Variants in OARD1 observed in about 807,000 individuals in gnomAD.
OARD1 encodes O-acyl-ADP-ribose deacylase 1.
In OARD1, 19 loss-of-function variants were observed where a neutral mutation model predicts 19.7. The observed-to-expected ratio is 0.96, with a 90% CI of 0.67 to 1.41. The LOEUF is 1.41. Ranked by LOEUF, OARD1 falls within the 40% of genes most tolerant of loss-of-function variation. The pLI is 0.00. For missense variants in OARD1, 190 were observed against 183.8 expected, an observed-to-expected ratio of 1.03 and a Z score of -0.20; for synonymous variants, 70 against 61.8, an observed-to-expected ratio of 1.13 and a Z score of -0.62.
At chr6:41,076,452 G>A (rs1763734994), upstream of OARD1, among the ~76,000 whole-genome samples, 1 of 152,214 alleles carries the variant, frequency 6.6e-6, no homozygotes, top group Admixed American at 6.5e-5. Flanking sequence ...TATCAACTGT[G>A]ATAATCCTAT....
At chr6:41,075,624 A>G (rs929292443), upstream of OARD1, 3 of 151,982 alleles carry the variant, frequency 2.0e-5, no homozygotes, top group Non-Finnish European at 4.4e-5. Context: ...CTTGATTTGT[A>G]GTACTTCACC....
intron 1 of OARD1, among the ~76,000 whole-genome samples, chr6:41,093,789 G>A (rs1764265152): frequency 6.6e-6 from 1 of 152,172 alleles, no homozygotes; most frequent in African/African-American, 2.4e-5. Context: ...TTTCTTTCAA[G>A]GAAACTTTGA....
chr6:41,097,173 T>A (rs547069936), intron 1 of OARD1, among the ~76,000 whole-genome samples: 17 of 152,226 alleles, frequency 1.1e-4, no homozygotes, highest in Non-Finnish European at 2.1e-4. Context: ...GAATAAGGTT[T>A]ATTGTCTCTT....
At chr6:41,072,428 C>A (rs1248666414), upstream of OARD1, 1 of 152,332 alleles carries the variant, frequency 6.6e-6, no homozygotes, top group Non-Finnish European at 1.5e-5. Context: ...CCAGCCCAAA[C>A]GCGGAGCCAA....
At position 41,082,935 on chromosome 6, in the gene OARD1, G is replaced by A. The variant is rs75380093; in HGVS notation, c.-41-11260C>T. Among the ~76,000 whole-genome samples, 369 of 152,296 alleles carry A rather than the reference G, an allele frequency of 2.4e-3. 6 individuals are homozygous for A. The South Asian group carries it at 0.04, about 17-fold the overall frequency. On this transcript the variant is annotated intron_variant, in intron 1 of 4. Transcript: ENST00000480585. ...ATACATTAGTGGTGGTGGCAGTGGC[G>A]GCGGTGGTGGTGGTGATTGTAGGAG... is the stretch of plus-strand genomic sequence containing the variant.
intron 1 of OARD1, among the ~76,000 whole-genome samples, chr6:41,095,070 C>A (rs553955354): frequency 6.6e-6 from 1 of 152,284 alleles, no homozygotes; most frequent in South Asian, 2.1e-4. Context: ...TTCCCTTCTT[C>A]CACTTTTGTT....
intron 4 of OARD1, 182 bp downstream of exon 4, chr6:41,069,894 G>C: frequency 1.5e-6 from 1 of 660,130 alleles, no homozygotes; most frequent in Non-Finnish European, 2.8e-6. Context: ...CTAACCCAGT[G>C]CTCCAAGTAG....
At chr6:41,096,855 C>T (rs1764371483) in intron 1 of OARD1, among the ~76,000 whole-genome samples, 1 of 152,196 alleles carries the variant, frequency 6.6e-6, no homozygotes, top group Admixed American at 6.5e-5. Context: ...GACCCTGACC[C>T]TAGTCCACGC....
At chr6:41,070,048 A>G (rs1321210328) in intron 4 of OARD1, 28 bp downstream of exon 4, 1 of 1,341,342 alleles carries the variant, frequency 7.5e-7, no homozygotes, top group Middle Eastern at 1.8e-4. Flanking sequence ...ACTGGCCCTG[A>G]AAAAAAAAGG....
At chr6:41,093,471 CTTTTT>C (rs769282285) in intron 1 of OARD1, among the ~76,000 whole-genome samples, 5 of 142,578 alleles carry the variant, frequency 3.5e-5, no homozygotes, top group African/African-American at 1.3e-4. Context: ...GGTACCCTTT[CTTTTT>C]TTTTTTTTTC....
chr6:41,084,814 T>C (rs974653483), intron 1 of OARD1, among the ~76,000 whole-genome samples: 4 of 152,124 alleles, frequency 2.6e-5, no homozygotes, highest in Non-Finnish European at 4.4e-5. Context: ...AATAAAAAAT[T>C]AGCCGGGCGT....
chr6:41,073,286 C>T (rs1467083669), upstream of OARD1, among the ~76,000 whole-genome samples: 2 of 151,650 alleles, frequency 1.3e-5, no homozygotes, highest in Non-Finnish European at 2.9e-5. Flanking sequence ...CCTGCAGGGG[C>T]CGCCCCGCGC....
intron 1 of OARD1, 158 bp from the exon 2 acceptor site, chr6:41,071,833 G>T (rs148899131): frequency 2.1e-4 from 116 of 554,214 alleles, no homozygotes; most frequent in East Asian, 1.8e-3. Context: ...CCCTTCTGGG[G>T]CAAAGAGGAA....
intron 1 of OARD1, among the ~76,000 whole-genome samples, chr6:41,081,055 C>T (rs1207754324): frequency 6.6e-6 from 1 of 152,182 alleles, no homozygotes; most frequent in Admixed American, 6.5e-5. Context: ...TGCCAGTTTC[C>T]TAATATTTCA....
intron 1 of OARD1, among the ~76,000 whole-genome samples, chr6:41,081,705 G>A (rs1315725378): frequency 6.7e-6 from 1 of 150,320 alleles, no homozygotes; most frequent in African/African-American, 2.5e-5. Flanking sequence ...ACTGAATCTT[G>A]TTAATCTCTT....
rs962746243 is a variant in OARD1 at position 41,071,476 on chromosome 6, T to C, written c.39+120A>G. On this transcript the variant is annotated intron_variant, in intron 2 of 5. Coordinates refer to ENST00000424266, the MANE Select transcript of OARD1 (RefSeq NM_001329686.2). The stretch of plus-strand genomic sequence containing the variant: ...CCTAGAATTTTGAGCCTTTTTAAAG[T>C]AAATCAGCTAGAGAGAAAAAAAGAT... The C allele has an allele frequency of 5.7e-5, 61 of 1,076,608 alleles. No homozygotes were observed. The African/African-American group carries it at 9.2e-4, about 16-fold the overall frequency. The allele number at this position is 1,076,608 out of a possible 1,614,324, so 66.7% of individuals were successfully genotyped here.
At chr6:41,078,734 G>C (rs111463876) in intron 1 of OARD1, among the ~76,000 whole-genome samples, 1 of 152,170 alleles carries the variant, frequency 6.6e-6, no homozygotes, top group African/African-American at 2.4e-5. Context: ...GGTATGCCTT[G>C]TATCAAAGTG....
chr6:41,079,598 A>G (rs1466717952), intron 1 of OARD1, among the ~76,000 whole-genome samples: 1 of 152,208 alleles, frequency 6.6e-6, no homozygotes, highest in Non-Finnish European at 1.5e-5. Flanking sequence ...CTGGTTTAAC[A>G]TTAGGATAAT....
intron 1 of OARD1, chr6:41,094,474 G>A: frequency 6.2e-7 from 1 of 1,614,106 alleles, no homozygotes; most frequent in Non-Finnish European, 8.5e-7. Context: ...CTCTCCAAAG[G>A]AAAAGGATAG....
Sources: gnomAD v4.1 joint callset for allele counts (sites outside exome capture counted in the v4.1 genomes callset) on GRCh38, gnomAD v4.1.1 for gene constraint, MANE v1.5 for transcripts, NCBI Gene and HGNC (gene_info 2026-07-23, HGNC 2026-07-21) for gene names.